The following AASDH variants were observed in gnomAD, a reference collection of about 807,000 sequenced individuals.
The protein encoded by AASDH is beta-alanine-activating enzyme.
A neutral mutation model predicts 102.3 loss-of-function variants in AASDH; 81 were observed. The observed-to-expected ratio is 0.79, with a 90% CI of 0.66 to 0.95. The LOEUF is 0.95. Ranked by LOEUF, AASDH falls within the 40% of genes least tolerant of loss-of-function variation. The probability of loss-of-function intolerance (pLI) is 0.00; values close to 1 mark genes in which losing one functional copy is unlikely to be tolerated. For synonymous variants in AASDH, 398 were observed against 454.0 expected (o/e 0.88, Z 1.57); for missense variants, 1,203 against 1,266.2 (o/e 0.95, Z 0.76).
intron 10 of AASDH, among the ~76,000 whole-genome samples, chr4:56,350,369 G>A (rs961874437): frequency 1.3e-5 from 2 of 152,058 alleles, no homozygotes; most frequent in African/African-American, 4.8e-5. Flanking sequence ...CAAGAGAATC[G>A]CTTGAACCCA....
Position 56,349,878 on chromosome 4 carries a change from G to A in AASDH, c.1873C>T (p.His625Tyr). 8 of 1,614,152 alleles carry A rather than the reference G, an allele frequency of 5.0e-6. No individual in the cohort carries two copies. The highest frequency in any genetic ancestry group is 6.8e-6 in the Non-Finnish European group (8 of 1,180,032). The change falls in exon 11 of 15, where the codon CAC becomes TAC. Residue 625 changes from histidine (H) to tyrosine (Y), a missense_variant. Physicochemically the swap from His to Tyr is moderately conservative, Grantham distance 83 (BLOSUM62 2). Coordinates refer to ENST00000205214, the MANE Select transcript of AASDH (RefSeq NM_181806.4). ...TCTGGAACCACTGTTTGAAGGATGT[G>A]ATTATAAATCTCTAAAATGGAACTG... ...LSSSILEIYNHILQTVVPDED... is the reference protein window; with the variant it reads ...LSSSILEIYNYILQTVVPDED...
chr4:56,347,160 C>T (rs1371296952), intron 11 of AASDH, among the ~76,000 whole-genome samples: 1 of 151,856 alleles, frequency 6.6e-6, no homozygotes, highest in Non-Finnish European at 1.5e-5. Context: ...TTAAAGCTGA[C>T]AATACCAAGT....
chr4:56,360,241 G>C (rs1750137027), intron 5 of AASDH, among the ~76,000 whole-genome samples: 1 of 152,056 alleles, frequency 6.6e-6, no homozygotes, highest in African/African-American at 2.4e-5. Context: ...TCAGTCCTTT[G>C]GTCTCTGATT....
chr4:56,341,389 C>CTTT (rs575687659), intron 14 of AASDH, among the ~76,000 whole-genome samples: 1,162 of 92,344 alleles, frequency 0.013, 81 homozygotes, highest in African/African-American at 0.045. Flanking sequence ...AGACTTTTAT[C>CTTT]TTTTTTTTTT....
chr4:56,383,016 C>T (rs571135918), intron 2 of AASDH, among the ~76,000 whole-genome samples: 104 of 152,238 alleles, frequency 6.8e-4, no homozygotes, highest in African/African-American at 1.5e-3. Context: ...GAGATCACGC[C>T]GTTGCACTCC....
rs1751184068 is a variant in AASDH at position 56,367,691 on chromosome 4, T to C, written c.861+3760A>G. 2.1e-5 allele frequency among the ~76,000 whole-genome samples: 3 copies of C among 140,628 alleles called. No homozygotes were observed. The Admixed American group carries it at 2.2e-4, about 11-fold the overall frequency. 92.3% of individuals were successfully genotyped at this position (140,628 alleles called of 152,430 possible). The stretch of plus-strand genomic sequence containing the variant: ...TGTAGAAAGCTGAAACTGGATCCCT[T>C]CCTTACACCTTATACAAAAATTAAT... On this transcript the variant is annotated intron_variant, in intron 5 of 14. Coordinates refer to ENST00000205214, the MANE Select transcript of AASDH (RefSeq NM_181806.4).
chr4:56,342,354 C>G (rs1000073960), intron 14 of AASDH, among the ~76,000 whole-genome samples: 1 of 152,026 alleles, frequency 6.6e-6, no homozygotes, highest in African/African-American at 2.4e-5. Context: ...ACCACAAACA[C>G]CCTGACTTAA....
intron 5 of AASDH, among the ~76,000 whole-genome samples, chr4:56,370,175 C>T (rs1447958008): frequency 1.3e-5 from 2 of 151,778 alleles, no homozygotes; most frequent in Admixed American, 1.3e-4. Flanking sequence ...CTGGCCTAGC[C>T]AACATGGTGA....
chr4:56,359,388 T>G (rs1218070120), intron 5 of AASDH, among the ~76,000 whole-genome samples: 1 of 151,858 alleles, frequency 6.6e-6, no homozygotes, highest in Non-Finnish European at 1.5e-5. Context: ...GCCTCCTGAG[T>G]AGCTGGGATT....
Position 56,338,579 on chromosome 4 carries a change from T to C in AASDH, c.3120A>G (p.Ala1040=). ...YNGSNEMLLA[A]ASTDGKVWIL... ...TCCACACTTTCCCATCAGTAGATGC[T>C]GCTGCCAGCAACATTTCATTGCTGC... is the stretch of plus-strand genomic sequence containing the variant. The change falls in exon 15 of 15, where the codon GCA becomes GCG. Residue 1040 remains alanine, a synonymous_variant. Transcript: ENST00000205214. The C allele has an allele frequency of 6.2e-7, 1 of 1,614,222 alleles. No homozygotes were observed. The highest frequency in any genetic ancestry group is 8.5e-7 in the Non-Finnish European group (1 of 1,180,038).
At chr4:56,354,673 A>C in intron 7 of AASDH, 32 bp downstream of exon 7, 1 of 1,518,032 alleles carries the variant, frequency 6.6e-7, no homozygotes, top group South Asian at 1.2e-5. Context: ...TTTCTTGAAA[A>C]AAAAATTCCC....
chr4:56,356,501 T>G (rs1369882574), intron 5 of AASDH: 1 of 1,249,762 alleles, frequency 8.0e-7, no homozygotes, highest in Non-Finnish European at 1.2e-6. Context: ...AGAAAGCTGC[T>G]GGCAAAGGGG....
chr4:56,384,349 T>C lies in AASDH; in HGVS notation c.-42-8A>G, dbSNP rs370914275. 2 of 1,546,310 alleles carry C rather than the reference T, an allele frequency of 1.3e-6. No homozygotes were observed. Among genetic ancestry groups the C allele is most frequent in the East Asian group, 2.3e-5 (1 of 44,416 alleles). ...AATTTGTAGCACAGAACCCTGTGTA[T>C]ATACAGAAGTGTTAGGGGGAGAGGG... On this transcript the variant is annotated splice_region_variant and splice_polypyrimidine_tract_variant and intron_variant, in intron 1 of 14. Coordinates refer to ENST00000205214, the MANE Select transcript of AASDH (RefSeq NM_181806.4).
rs1414394412 is a variant in AASDH at position 56,338,319 on chromosome 4, T to G, written c.*83A>C. 7.0e-7 allele frequency: 1 copy of G among 1,436,100 alleles called. No individual in the cohort carries two copies. The highest frequency in any genetic ancestry group is 1.4e-5 in the South Asian group (1 of 73,390). 89.0% of individuals were successfully genotyped at this position (1,436,100 alleles called of 1,614,324 possible). Reference sequence around the variant, plus strand: ...TTAGCCAAAATATAATCTTCTTTAATATAAAATAAGTCCACATGATGTATA... The same window carrying G: ...TTAGCCAAAATATAATCTTCTTTAAGATAAAATAAGTCCACATGATGTATA... On this transcript the variant is annotated 3_prime_UTR_variant, in exon 15 of 15. Coordinates refer to ENST00000205214, the MANE Select transcript of AASDH (RefSeq NM_181806.4).
chr4:56,346,863 A>G (rs984980174), intron 11 of AASDH, among the ~76,000 whole-genome samples: 3 of 152,016 alleles, frequency 2.0e-5, no homozygotes, highest in Non-Finnish European at 4.4e-5. Context: ...GACAACACAC[A>G]GAAGCTCTGT....
At chr4:56,343,021 C>A in intron 13 of AASDH, 55 bp from the exon 14 acceptor site, 1 of 1,442,128 alleles carries the variant, frequency 6.9e-7, no homozygotes, top group Non-Finnish European at 9.2e-7. Flanking sequence ...TAATCAGTTA[C>A]CCTTTAAAAA....
chr4:56,366,179 G>GAA (rs2109949959), intron 5 of AASDH, among the ~76,000 whole-genome samples: 1 of 152,272 alleles, frequency 6.6e-6, no homozygotes, highest in East Asian at 1.9e-4. Flanking sequence ...GGAAGAAGTT[G>GAA]AATCTCTGTA....
Position 56,349,962 on chromosome 4 carries a change from T to C in AASDH, c.1789A>G (p.Ser597Gly), listed in dbSNP as rs1748808603. ...GTACCAACAAGTTTTTCAATCTCAC[T>C]GAGGAGCCGGATGGACTTTAAGGAA... is the stretch of plus-strand genomic sequence containing the variant. Reference protein sequence around the residue: ...GDSLKSIRLLSEIEKLVGTSV... With the variant: ...GDSLKSIRLLGEIEKLVGTSV... Residue 597 changes from serine (S) to glycine (G), a missense_variant, in exon 11 of 15, where the codon AGT (serine) becomes GGT (glycine). Physicochemically the swap from Ser to Gly is moderately conservative, Grantham distance 56. Transcript: ENST00000205214. 3.1e-6 allele frequency: 5 copies of C among 1,613,684 alleles called. No homozygotes were observed. The highest frequency in any genetic ancestry group is 4.2e-6 in the Non-Finnish European group (5 of 1,180,042).
chr4:56,357,302 G>C (rs1389590751), intron 5 of AASDH, among the ~76,000 whole-genome samples: 11 of 152,134 alleles, frequency 7.2e-5, no homozygotes. Context: ...GTACCTTCTT[G>C]CTGTGTTCTC....
Sources: gnomAD v4.1 joint callset for allele counts (sites outside exome capture counted in the v4.1 genomes callset) on GRCh38, gnomAD v4.1.1 for gene constraint, MANE v1.5 for transcripts, NCBI Gene and HGNC (gene_info 2026-07-23, HGNC 2026-07-21) for gene names.